Variants in MYOM2 observed in about 807,000 individuals in gnomAD.
The protein encoded by MYOM2 is myomesin-2.
A neutral mutation model predicts 187.6 loss-of-function variants in MYOM2; 254 were observed. The ratio of observed to expected loss-of-function variants is 1.35; its 90% CI spans 1.22 to 1.50. The LOEUF is 1.50. Ranked by LOEUF, MYOM2 falls within the 40% of genes most tolerant of loss-of-function variation. MYOM2 has a pLI of 0.00. For missense variants in MYOM2, 2,796 were observed against 1,924.0 expected (o/e 1.45, Z -8.48); for synonymous variants, 981 against 753.8 (o/e 1.30, Z -4.94).
At chr8:2,132,143 T>A (rs913330902) in intron 32 of MYOM2, among the ~76,000 whole-genome samples, 1 of 152,222 alleles carries the variant, frequency 6.6e-6, no homozygotes, top group Admixed American at 6.5e-5. Context: ...TTTGTTGCAA[T>A]ATACTTTAGC....
Position 2,096,174 on chromosome 8 carries a change from T to C in MYOM2, c.2126-73T>C, listed in dbSNP as rs79558048. 6.8e-4 allele frequency: 1,010 copies of C among 1,480,438 alleles called. 9 individuals carry two copies. In the African/African-American group the frequency reaches 0.013, roughly 19 times the overall value. The allele number at this position is 1,480,438 out of a possible 1,614,324, so 91.7% of individuals were successfully genotyped here. Reference sequence around the variant, plus strand: ...TTGCTTCCTCCTCCCTCTGCCACACTGGAGCTGGCTGCCCCGGGGACAAAG... The same window carrying C: ...TTGCTTCCTCCTCCCTCTGCCACACCGGAGCTGGCTGCCCCGGGGACAAAG... On this transcript the variant is annotated intron_variant, in intron 17 of 36. Transcript: ENST00000262113.
intron 6 of MYOM2, among the ~76,000 whole-genome samples, chr8:2,062,509 T>G (rs1461133327): frequency 6.6e-6 from 1 of 152,028 alleles, no homozygotes; most frequent in African/African-American, 2.4e-5. Flanking sequence ...GTCCAAGTAT[T>G]CTCAGAGCTG....
chr8:2,131,093 G>T (rs146034996), intron 32 of MYOM2, among the ~76,000 whole-genome samples: 2 of 152,232 alleles, frequency 1.3e-5, no homozygotes, highest in African/African-American at 2.4e-5. Context: ...TGCTGGGTCT[G>T]GGGGGTACAG....
At chr8:2,120,726 GCTTA>G (rs1456481642) in intron 28 of MYOM2, among the ~76,000 whole-genome samples, 4 of 43,886 alleles carry the variant, frequency 9.1e-5, no homozygotes, top group East Asian at 1.1e-3. Context: ...CAATCTAATT[GCTTA>G]CTGTCTCTTA....
At chr8:2,116,134 T>G in intron 26 of MYOM2, 30 bp downstream of exon 26, 1 of 1,605,064 alleles carries the variant, frequency 6.2e-7, no homozygotes, top group Non-Finnish European at 8.5e-7. Context: ...TCCACGTCCA[T>G]ACAAGATAAT....
At chr8:2,046,740 CTTTCTTTTT>C (rs1326925292) in intron 1 of MYOM2, among the ~76,000 whole-genome samples, 6 of 131,898 alleles carry the variant, frequency 4.5e-5, no homozygotes, top group Admixed American at 8.7e-5. Flanking sequence ...TTCTCTCTCT[CTTTCTTTTT>C]TCTTTTTTTT....
chr8:2,123,869 G>A lies in MYOM2; in HGVS notation c.3655+227G>A, dbSNP rs146823370. 3.3e-5 allele frequency among the ~76,000 whole-genome samples: 5 copies of A among 152,202 alleles called. No individual in the cohort carries two copies. In the East Asian group the frequency reaches 9.6e-4, roughly 29 times the overall value. ...CTGGGTTTATATGAAACGTCATTTC[G>A]GTCCATCATCAGAAGCCAAGCAACG... On this transcript the variant is annotated intron_variant, in intron 30 of 36. Coordinates refer to ENST00000262113, the MANE Select transcript of MYOM2 (RefSeq NM_003970.4).
At chr8:2,117,155 T>A (rs2116839734) in intron 27 of MYOM2, among the ~76,000 whole-genome samples, 1 of 152,362 alleles carries the variant, frequency 6.6e-6, no homozygotes, top group Admixed American at 6.5e-5. Flanking sequence ...TTCATTTTTA[T>A]TATTTTTCAT....
intron 8 of MYOM2, among the ~76,000 whole-genome samples, chr8:2,071,636 G>C (rs768483654): frequency 6.6e-6 from 1 of 152,146 alleles, no homozygotes; most frequent in Non-Finnish European, 1.5e-5. Flanking sequence ...TGCCTCTGAC[G>C]ACACCGCAAA....
chr8:2,127,647 G>A (rs1050454194), intron 31 of MYOM2: 4 of 121,528 alleles, frequency 3.3e-5, no homozygotes, highest in Middle Eastern at 5.3e-3. Context: ...CGCAGCCGCA[G>A]GCAGGCAGTA....
chr8:2,051,013 G>T, intron 2 of MYOM2, 140 bp downstream of exon 2: 1 of 655,162 alleles, frequency 1.5e-6, no homozygotes, highest in Middle Eastern at 2.7e-4. Context: ...CCTCTCCCGT[G>T]CCCAGGTCCT....
At chr8:2,091,206 T>A (rs979380634) in intron 15 of MYOM2, among the ~76,000 whole-genome samples, 1 of 151,956 alleles carries the variant, frequency 6.6e-6, no homozygotes, top group Non-Finnish European at 1.5e-5. Context: ...TAATGCTTTT[T>A]TAAAAAAATT....
intron 8 of MYOM2, among the ~76,000 whole-genome samples, chr8:2,071,214 C>T (rs752254): frequency 0.3 from 44,824 of 151,528 alleles, 8,190 homozygotes; most frequent in Admixed American, 0.4. Context: ...AGGTTGTTCT[C>T]GAACTCCTGG....
rs1287416882 is a variant in MYOM2 at position 2,144,645 on chromosome 8, C to T, written c.4081-19C>T. The T allele has an allele frequency of 6.2e-7, 1 of 1,610,496 alleles. No homozygotes were observed. Among genetic ancestry groups the T allele is most frequent in the African/African-American group, 1.3e-5 (1 of 74,590 alleles). On this transcript the variant is annotated intron_variant, in intron 36 of 36. Transcript: ENST00000262113. ...CTTTTTCTAACTCTTCCTTCTCCACCAACCTCTTCCGTCCAAAGACCTTGA... is the reference window on the plus strand; with the variant it reads ...CTTTTTCTAACTCTTCCTTCTCCACTAACCTCTTCCGTCCAAAGACCTTGA...
At chr8:2,141,612 T>C (rs757141841) in intron 34 of MYOM2, among the ~76,000 whole-genome samples, 11 of 152,180 alleles carry the variant, frequency 7.2e-5, no homozygotes, top group Non-Finnish European at 1.0e-4. Context: ...AGAGTTTTAT[T>C]GTGAGGTTGG....
intron 14 of MYOM2, among the ~76,000 whole-genome samples, chr8:2,086,685 C>T (rs1367440757): frequency 6.6e-6 from 1 of 152,254 alleles, no homozygotes; most frequent in Non-Finnish European, 1.5e-5. Flanking sequence ...CTGGGCGTTG[C>T]CCCTCGGTGT....
intron 15 of MYOM2, among the ~76,000 whole-genome samples, chr8:2,092,112 G>T (rs1205408514): frequency 6.6e-6 from 1 of 152,078 alleles, no homozygotes; most frequent in African/African-American, 2.4e-5. Context: ...ATGTCATCCT[G>T]TGTCTCTAGG....
chr8:2,100,239 T>C lies in MYOM2; in HGVS notation c.2441-637T>C, dbSNP rs547138311. Among the ~76,000 whole-genome samples, 92 of 151,646 alleles carry C rather than the reference T, an allele frequency of 6.1e-4. 1 individual carries two copies. Among genetic ancestry groups the C allele is most frequent in the Non-Finnish European group, 1.3e-3 (87 of 67,916 alleles). The stretch of plus-strand genomic sequence containing the variant: ...TGCCTTCCTACCTTTCTTCTTTTAA[T>C]GAAATTAAATTTTGGACCTTAGAAA... On this transcript the variant is annotated intron_variant, in intron 19 of 36. Transcript: ENST00000262113.
Position 2,057,800 on chromosome 8 carries a change from G to A in MYOM2, c.560+20G>A. ...GCAGTGGTGAGGGGCTCTGTTCCCA[G>A]GGGGTGAAGAAGTCCATTCTGCGTT... On this transcript the variant is annotated intron_variant, in intron 5 of 36. Coordinates refer to ENST00000262113, the MANE Select transcript of MYOM2 (RefSeq NM_003970.4). The A allele has an allele frequency of 6.2e-7, 1 of 1,609,134 alleles. No homozygotes were observed. The highest frequency in any genetic ancestry group is 8.5e-7 in the Non-Finnish European group (1 of 1,176,404).
Sources: allele counts gnomAD v4.1 joint callset (sites outside exome capture counted in the v4.1 genomes callset), GRCh38; gene constraint gnomAD v4.1.1; transcripts MANE v1.5; gene names NCBI Gene and HGNC (gene_info 2026-07-23, HGNC 2026-07-21).